GLDN: variants seen among roughly 807,000 people sequenced by gnomAD.
GLDN encodes gliomedin, also known as collomin.
Under a neutral mutation model 56.5 loss-of-function variants are expected in GLDN, and 47 were observed. The ratio of observed to expected loss-of-function variants is 0.83; its 90% CI spans 0.66 to 1.06. The LOEUF is 1.06. Among genes scored for constraint, GLDN ranks in the 50% least tolerant of loss-of-function variants. The probability of loss-of-function intolerance (pLI) is 0.00; values close to 1 mark genes in which losing one functional copy is unlikely to be tolerated. For missense variants in GLDN, 782 were observed against 714.3 expected (o/e 1.09, Z -1.08); for synonymous variants, 332 against 278.8 (o/e 1.19, Z -1.90).
intron 4 of GLDN, chr15:51,384,251 G>A: frequency 3.4e-6 from 1 of 290,452 alleles, no homozygotes. Context: ...CTCCTGCCTT[G>A]CCCTCTATTG....
At chr15:51,359,191 C>T (rs1261292742) in intron 1 of GLDN, among the ~76,000 whole-genome samples, 2 of 152,208 alleles carry the variant, frequency 1.3e-5, no homozygotes, top group Admixed American at 1.3e-4. Context: ...TGGCCCAGCA[C>T]GAGTGCATGT....
At chr15:51,397,889 C>G (rs535020049) in intron 6 of GLDN, among the ~76,000 whole-genome samples, 83 of 152,338 alleles carry the variant, frequency 5.4e-4, no homozygotes, top group African/African-American at 1.8e-3. Flanking sequence ...TCCCTCCCCC[C>G]TGAAACAGTA....
intron 1 of GLDN, among the ~76,000 whole-genome samples, chr15:51,361,214 T>G (rs917371824): frequency 2.0e-5 from 3 of 152,234 alleles, no homozygotes; most frequent in African/African-American, 4.8e-5. Flanking sequence ...CTACCCTAAC[T>G]TCTTCTGCAC....
intron 1 of GLDN, among the ~76,000 whole-genome samples, chr15:51,362,439 T>A (rs1464437701): frequency 6.7e-6 from 1 of 149,604 alleles, no homozygotes; most frequent in African/African-American, 2.5e-5. Context: ...GAGCTGAGAT[T>A]GTGCCACTGC....
chr15:51,369,116 A>G (rs2037464479), intron 1 of GLDN: 1 of 152,214 alleles, frequency 6.6e-6, no homozygotes, highest in African/African-American at 2.4e-5. Context: ...CCTCAGCTTC[A>G]GATCCCATGA....
downstream of GLDN, among the ~76,000 whole-genome samples, chr15:51,411,644 T>G (rs1310867313): frequency 2.6e-5 from 4 of 152,266 alleles, no homozygotes; most frequent in Non-Finnish European, 2.9e-5. Context: ...ATGGCTCTAT[T>G]AAAACTTTAT....
Position 51,397,450 on chromosome 15 carries a change from T to TTC in GLDN, c.689-5_689-4dup, listed in dbSNP as rs748196701. 6.5e-4 allele frequency: 737 copies of TTC among 1,132,902 alleles called. No homozygotes were observed. Among genetic ancestry groups the TTC allele is most frequent in the South Asian group, 1.5e-3 (70 of 48,028 alleles). The allele number at this position is 1,132,902 out of a possible 1,614,324, so 70.2% of individuals were successfully genotyped here. On this transcript the variant is annotated intron_variant, in intron 5 of 9. Transcript: ENST00000335449. ...CTACCTCTTGCCTCCTTCTCTCCCT[T>TTC]TCTCTCTCTCTCTCTCCAGGTGCCA... is the stretch of plus-strand genomic sequence containing the variant.
chr15:51,368,352 G>T (rs2037447881), intron 1 of GLDN, among the ~76,000 whole-genome samples: 1 of 152,092 alleles, frequency 6.6e-6, no homozygotes, highest in Admixed American at 6.6e-5. Flanking sequence ...ACAGAAACGG[G>T]CAGTCAGTAG....
At chr15:51,412,837 C>T (rs531219782), downstream of GLDN, among the ~76,000 whole-genome samples, 3 of 152,190 alleles carry the variant, frequency 2.0e-5, no homozygotes, top group African/African-American at 7.2e-5. Context: ...TCCATGGCTG[C>T]TTTTATGTCA....
chr15:51,361,896 A>C (rs1480739514), intron 1 of GLDN, among the ~76,000 whole-genome samples: 2 of 152,162 alleles, frequency 1.3e-5, no homozygotes, highest in Non-Finnish European at 2.9e-5. Context: ...ATGCCACTGC[A>C]CTCCAGCCTG....
chr15:51,349,255 C>A (rs768637395), intron 1 of GLDN, among the ~76,000 whole-genome samples: 1 of 152,222 alleles, frequency 6.6e-6, no homozygotes, highest in East Asian at 1.9e-4. Flanking sequence ...GTCACAGCTC[C>A]TGTTTGCAGT....
chr15:51,365,380 G>T (rs192652496), intron 1 of GLDN, among the ~76,000 whole-genome samples: 102 of 151,934 alleles, frequency 6.7e-4, no homozygotes, highest in African/African-American at 2.4e-3. Context: ...TATAATACAC[G>T]TTTCCATATT....
intron 1 of GLDN, among the ~76,000 whole-genome samples, chr15:51,371,159 AT>A (rs1258919403): frequency 6.6e-6 from 1 of 152,200 alleles, no homozygotes; most frequent in Non-Finnish European, 1.5e-5. Flanking sequence ...GTTGTGTTGC[AT>A]TATGTGGCTT....
chr15:51,366,459 T>G (rs1013475495), intron 1 of GLDN, among the ~76,000 whole-genome samples: 6 of 152,246 alleles, frequency 3.9e-5, no homozygotes, highest in Non-Finnish European at 7.3e-5. Context: ...GGAAGGTGGT[T>G]ATAATGACCA....
intron 4 of GLDN, among the ~76,000 whole-genome samples, chr15:51,389,115 T>C (rs976414693): frequency 9.8e-5 from 15 of 152,346 alleles, no homozygotes; most frequent in African/African-American, 2.6e-4. Context: ...CCTGGGCAAG[T>C]CACTCCAAGA....
chr15:51,397,660 C>T, intron 6 of GLDN, 62 bp downstream of exon 6: 1 of 1,419,174 alleles, frequency 7.0e-7, no homozygotes, highest in Admixed American at 2.5e-5. Flanking sequence ...TCTTGGTCTG[C>T]TCCCCAGGCT....
At chr15:51,377,374 C>A in intron 1 of GLDN, 75 bp from the exon 2 acceptor site, 1 of 1,261,572 alleles carries the variant, frequency 7.9e-7, no homozygotes, top group Non-Finnish European at 1.1e-6. Context: ...TGATTGCTTT[C>A]TGCTCGTCTG....
At chr15:51,350,730 T>C (rs2446416) in intron 1 of GLDN, among the ~76,000 whole-genome samples, 85,994 of 152,110 alleles carry the variant, frequency 0.57, 27,010 homozygotes, top group African/African-American at 0.84. Context: ...ATCCATTGCA[T>C]ACACACAAAT....
rs60404846 is a variant in GLDN, at chr15:51,353,734, A to AAAAAAAAAAAAAC, written c.363+11687_363+11688insAAAAAAAAAAAAC. 1.1e-3 allele frequency among the ~76,000 whole-genome samples: 139 copies of AAAAAAAAAAAAAC among 128,846 alleles called. 2 individuals carry two copies. Among genetic ancestry groups the AAAAAAAAAAAAAC allele is most frequent in the East Asian group, 6.0e-3 (21 of 3,472 alleles). The allele number at this position is 128,846 out of a possible 152,430, so 84.5% of individuals were successfully genotyped here. ...TTGATTAAAAAAAAAAAAAAAAAAA[A>AAAAAAAAAAAAAC]CCACAGTCAATTAAAAAAAAAAAAA... On this transcript the variant is annotated intron_variant, in intron 1 of 9. Transcript: ENST00000335449.
Sources: gnomAD v4.1 joint callset for allele counts (sites outside exome capture counted in the v4.1 genomes callset) on GRCh38, gnomAD v4.1.1 for gene constraint, MANE v1.5 for transcripts, NCBI Gene and HGNC (gene_info 2026-07-23, HGNC 2026-07-21) for gene names.